Variants in SMPDL3B observed in about 807,000 individuals in gnomAD.
The protein encoded by SMPDL3B is sphingomyelin phosphodiesterase acid like 3B.
Under a neutral mutation model 37.9 loss-of-function variants are expected in SMPDL3B, and 31 were observed. The ratio of observed to expected loss-of-function variants is 0.82; its 90% CI spans 0.61 to 1.10. The LOEUF is 1.10. SMPDL3B is among the 50% of genes least tolerant of loss of function. The probability of loss-of-function intolerance (pLI) is 0.00; values close to 1 mark genes in which losing one functional copy is unlikely to be tolerated. For synonymous variants in SMPDL3B, 235 were observed against 242.6 expected, an observed-to-expected ratio of 0.97 and a Z score of 0.29; for missense variants, 525 against 597.8, an observed-to-expected ratio of 0.88 and a Z score of 1.27.
At chr1:27,957,506 G>C (rs767194630) in intron 7 of SMPDL3B, among the ~76,000 whole-genome samples, 1 of 152,172 alleles carries the variant, frequency 6.6e-6, no homozygotes, top group African/African-American at 2.4e-5. Context: ...AAGTGAAAGT[G>C]GACAGGGAAG....
chr1:27,958,751 C>T lies in SMPDL3B; in HGVS notation c.1281C>T (p.Thr427=). The T allele has an allele frequency of 6.2e-7, 1 of 1,613,610 alleles. No individual in the cohort carries two copies. Among genetic ancestry groups the T allele is most frequent in the East Asian group, 2.2e-5 (1 of 44,882 alleles). ...MRQVDIDAYT[T]CLYASGTTPV... ...AGGTGGACATTGACGCTTACACCACCTGTCTGTATGCCTCTGGCACCACGC... is the reference window on the plus strand; with the variant it reads ...AGGTGGACATTGACGCTTACACCACTTGTCTGTATGCCTCTGGCACCACGC... Residue 427 remains threonine (T), a synonymous_variant, in exon 8 of 8, where the codon ACC becomes ACT. Transcript: ENST00000373894. The surrounding 1 kb of genome is among the most constrained non-coding windows in gnomAD (Gnocchi z 5.6).
chr1:27,935,177 C>A lies in SMPDL3B; in HGVS notation c.-7C>A. ...ATCCCACGGCTCTGGGGAAGTGAGC[C>A]CCGAGGATGAGGCTGCTCGCCTGGC... On this transcript the variant is annotated 5_prime_UTR_variant, in exon 1 of 8. Coordinates refer to ENST00000373894, the MANE Select transcript of SMPDL3B (RefSeq NM_014474.4). 6.2e-7 allele frequency: 1 copy of A among 1,613,022 alleles called. No homozygotes were observed. Among genetic ancestry groups the A allele is most frequent in the Non-Finnish European group, 8.5e-7 (1 of 1,179,038 alleles).
chr1:27,952,067 C>A (rs958503656), intron 3 of SMPDL3B, among the ~76,000 whole-genome samples: 1 of 152,160 alleles, frequency 6.6e-6, no homozygotes, highest in Non-Finnish European at 1.5e-5. Flanking sequence ...TGGCAATGAA[C>A]AAGACACCAG....
chr1:27,936,289 T>A (rs1478155894), intron 1 of SMPDL3B, among the ~76,000 whole-genome samples: 1 of 151,768 alleles, frequency 6.6e-6, no homozygotes, highest in East Asian at 1.9e-4. Flanking sequence ...CTGACTCTAC[T>A]AAAAATACCA....
At chr1:27,939,361 C>CT (rs2090337091) in intron 1 of SMPDL3B, among the ~76,000 whole-genome samples, 1 of 151,986 alleles carries the variant, frequency 6.6e-6, no homozygotes, top group Non-Finnish European at 1.5e-5. Context: ...TCTTATTTTT[C>CT]TTTTTTGGAG....
chr1:27,938,630 A>G (rs2090328678), intron 1 of SMPDL3B, among the ~76,000 whole-genome samples: 1 of 152,250 alleles, frequency 6.6e-6, no homozygotes, highest in Non-Finnish European at 1.5e-5. Flanking sequence ...ATGGTCCCTG[A>G]CTTACGAAGA....
chr1:27,946,074 C>A (rs1557494439), intron 2 of SMPDL3B, among the ~76,000 whole-genome samples: 1 of 152,190 alleles, frequency 6.6e-6, no homozygotes, highest in Non-Finnish European at 1.5e-5. Flanking sequence ...CCCATTCCGG[C>A]TGGGTATAGT....
intron 2 of SMPDL3B, among the ~76,000 whole-genome samples, chr1:27,947,877 G>T (rs939002027): frequency 6.6e-6 from 1 of 151,790 alleles, no homozygotes; most frequent in Non-Finnish European, 1.5e-5. Context: ...CACCGCCCCC[G>T]GCCTAGGTGT....
At chr1:27,936,590 T>G (rs2090309620) in intron 1 of SMPDL3B, 1 of 152,242 alleles carries the variant, frequency 6.6e-6, no homozygotes, top group Non-Finnish European at 1.5e-5. Flanking sequence ...ATCTCCCAGC[T>G]GGGAAATGGC....
chr1:27,945,601 C>A lies in SMPDL3B; in HGVS notation c.275+156C>A, dbSNP rs573749895. Among the ~76,000 whole-genome samples the A allele has an allele frequency of 6.6e-6, 1 of 152,168 alleles. No homozygotes were observed. The highest frequency in any genetic ancestry group is 1.5e-5 in the Non-Finnish European group (1 of 68,028). On this transcript the variant is annotated intron_variant, in intron 2 of 7. Transcript: ENST00000373894. The surrounding 1 kb of genome is among the most constrained non-coding windows in gnomAD (Gnocchi z 4.0). ...GCTCAAAGGAATTTTGTAACTTGCC[C>A]GGGGATTCCTGAGTCCAACTGATTC...
intron 1 of SMPDL3B, chr1:27,942,318 T>TCC (rs138466566): frequency 2.3e-6 from 1 of 430,062 alleles, no homozygotes; most frequent in Non-Finnish European, 4.8e-6. Flanking sequence ...GCAAAGGGCC[T>TCC]CCCCCAACAT....
At chr1:27,953,050 A>C (rs1435765943) in intron 3 of SMPDL3B, among the ~76,000 whole-genome samples, 165 bp from the exon 4 acceptor site, 4 of 152,150 alleles carry the variant, frequency 2.6e-5, no homozygotes, top group Non-Finnish European at 4.4e-5. Flanking sequence ...GTCTAAGCAA[A>C]GTTCAGTCAG....
At chr1:27,954,003 T>C (rs968528554) in intron 4 of SMPDL3B, among the ~76,000 whole-genome samples, 1 of 152,174 alleles carries the variant, frequency 6.6e-6, no homozygotes, top group African/African-American at 2.4e-5. Context: ...GTTGATTTAG[T>C]CCACATAGAT....
intron 7 of SMPDL3B, chr1:27,956,548 GC>G: frequency 9.7e-7 from 1 of 1,035,982 alleles, no homozygotes; most frequent in Non-Finnish European, 1.2e-6. Flanking sequence ...CGAGGCTCCA[GC>G]CCCTAATTCT....
At chr1:27,948,871 C>T (rs973454579) in intron 2 of SMPDL3B, 194 bp from the exon 3 acceptor site, 34 of 977,170 alleles carry the variant, frequency 3.5e-5, no homozygotes, top group Non-Finnish European at 4.2e-5. Context: ...TCAAGGGACC[C>T]ACAGCAGGAA....
chr1:27,942,062 C>T (rs10902678), intron 1 of SMPDL3B, among the ~76,000 whole-genome samples: 102,740 of 151,980 alleles, frequency 0.68, 35,477 homozygotes, highest in South Asian at 0.8. Context: ...CACCCTTCAG[C>T]AGTATGTGCC....
intron 1 of SMPDL3B, among the ~76,000 whole-genome samples, chr1:27,938,408 G>A (rs553160735): frequency 6.6e-6 from 1 of 152,358 alleles, no homozygotes; most frequent in South Asian, 2.1e-4. Flanking sequence ...TTTCATGCAT[G>A]TCCTTGCAGA....
chr1:27,956,784 G>T (rs1461947628), intron 7 of SMPDL3B, among the ~76,000 whole-genome samples: 3 of 152,180 alleles, frequency 2.0e-5, no homozygotes, highest in African/African-American at 7.2e-5. Context: ...ACTGAGAGAA[G>T]GGCTAAGGAG....
At chr1:27,954,633 G>A in intron 5 of SMPDL3B, 107 bp downstream of exon 5, 1 of 1,094,660 alleles carries the variant, frequency 9.1e-7, no homozygotes, top group Non-Finnish European at 1.4e-6. Flanking sequence ...TATCCCAGAG[G>A]GTCCTTTATC....
Sources: gnomAD v4.1 joint callset for allele counts (sites outside exome capture counted in the v4.1 genomes callset) on GRCh38, gnomAD v4.1.1 for gene constraint, Gnocchi (gnomAD v3.1) non-coding constraint, MANE v1.5 for transcripts, NCBI Gene and HGNC (gene_info 2026-07-23, HGNC 2026-07-21) for gene names.